RIPPLY3: variants seen among roughly 807,000 people sequenced by gnomAD.
RIPPLY3 encodes ripply transcriptional repressor 3, also known as protein ripply3.
In RIPPLY3, 8 loss-of-function variants were observed where a neutral mutation model predicts 11.9. That is an observed-to-expected ratio of 0.67 (90% CI 0.40 to 1.21). The LOEUF (loss-of-function observed/expected upper bound fraction) is 1.21. Among genes scored for constraint, RIPPLY3 ranks in the 50% most tolerant of loss-of-function variants. The pLI is 0.01. For missense variants in RIPPLY3, 271 were observed against 246.0 expected, an observed-to-expected ratio of 1.10 and a Z score of -0.68; for synonymous variants, 102 against 99.0, an observed-to-expected ratio of 1.03 and a Z score of -0.18.
intron 2 of RIPPLY3, among the ~76,000 whole-genome samples, chr21:37,011,111 C>T (rs1183083819): frequency 1.3e-5 from 2 of 151,976 alleles, no homozygotes; most frequent in Non-Finnish European, 2.9e-5. Context: ...TCAAGCGATT[C>T]GCCTGCCTCA....
intron 1 of RIPPLY3, among the ~76,000 whole-genome samples, chr21:37,007,400 C>CTTTTT (rs895853940): frequency 1.4e-4 from 12 of 86,272 alleles, no homozygotes; most frequent in Non-Finnish European, 1.5e-4. Flanking sequence ...AAGATTCCCT[C>CTTTTT]TTTTTTTTTT....
chr21:37,018,281 A>C lies in RIPPLY3; in HGVS notation c.*74A>C. On this transcript the variant is annotated 3_prime_UTR_variant, in exon 4 of 4. Transcript: ENST00000329553. ...CTCTTGGGGACACCCGAGCCAGGAC[A>C]CTACGCATCCCTGCTGAGTGTGCAG... is the stretch of plus-strand genomic sequence containing the variant. 1 of 1,275,952 alleles carries C rather than the reference A, an allele frequency of 7.8e-7. No individual in the cohort carries two copies. The highest frequency in any genetic ancestry group is 1.1e-6 in the Non-Finnish European group (1 of 884,806). 79.0% of individuals were successfully genotyped at this position (1,275,952 alleles called of 1,614,324 possible).
upstream of RIPPLY3, chr21:37,006,594 G>A (rs1601093228): frequency 2.7e-6 from 1 of 371,674 alleles, no homozygotes; most frequent in East Asian, 4.0e-5. The surrounding 1 kb of genome is among the most constrained non-coding windows in gnomAD (Gnocchi z 5.2). Context: ...CGTACCCTGC[G>A]GCCCCCTCCG....
Position 37,006,721 on chromosome 21 carries a change from G to A in RIPPLY3, c.-52G>A, listed in dbSNP as rs953229448. On this transcript the variant is annotated 5_prime_UTR_variant, in exon 1 of 4. Transcript: ENST00000329553. This position sits in a 1 kb window ranked among gnomAD's most constrained non-coding sequence, Gnocchi z 5.2. ...GAGCGCGTTAGCCCGAGTGGATCTA[G>A]GCGCGCTCGTAGGCCGGCGCCGCAG... is the stretch of plus-strand genomic sequence containing the variant. 5 of 1,146,188 alleles carry A rather than the reference G, an allele frequency of 4.4e-6. No individual in the cohort carries two copies. In the Admixed American group the frequency reaches 1.7e-4, roughly 40 times the overall value. The allele number at this position is 1,146,188 out of a possible 1,614,324, so 71.0% of individuals were successfully genotyped here. A position where few individuals can be genotyped will look rare whatever the true frequency, so the allele number is the denominator to read the frequency against.
chr21:37,006,585 G>T, upstream of RIPPLY3: 1 of 367,960 alleles, frequency 2.7e-6, no homozygotes, highest in Non-Finnish European at 4.8e-6. The surrounding 1 kb of genome is among the most constrained non-coding windows in gnomAD (Gnocchi z 5.2). Context: ...CTTTTCCTTC[G>T]TACCCTGCGG....
At chr21:37,013,666 AG>A (rs1455576922) in intron 3 of RIPPLY3, 48 bp downstream of exon 3, 2 of 1,390,130 alleles carry the variant, frequency 1.4e-6, no homozygotes, top group African/African-American at 2.8e-5. Context: ...CTTTTAATAT[AG>A]GCATTAATAT....
Position 37,006,730 on chromosome 21 carries a change from G to A in RIPPLY3, c.-43G>A. ...AGCCCGAGTGGATCTAGGCGCGCTC[G>A]TAGGCCGGCGCCGCAGCAAGGGGCG... On this transcript the variant is annotated 5_prime_UTR_variant, in exon 1 of 4. Coordinates refer to ENST00000329553, the MANE Select transcript of RIPPLY3 (RefSeq NM_018962.3). The surrounding 1 kb of genome is among the most constrained non-coding windows in gnomAD (Gnocchi z 5.2). The A allele has an allele frequency of 8.5e-7, 1 of 1,182,812 alleles. No homozygotes were observed. The highest frequency in any genetic ancestry group is 4.0e-5 in the South Asian group (1 of 24,840). The allele number at this position is 1,182,812 out of a possible 1,614,324, so 73.3% of individuals were successfully genotyped here. A position where few individuals can be genotyped will look rare whatever the true frequency, so the allele number is the denominator to read the frequency against.
At chr21:37,010,628 A>C (rs1477508035) in intron 2 of RIPPLY3, among the ~76,000 whole-genome samples, 1 of 152,134 alleles carries the variant, frequency 6.6e-6, no homozygotes, top group Non-Finnish European at 1.5e-5. Flanking sequence ...CCCTACCTGC[A>C]CCTTTCTTGA....
chr21:37,006,920 C>CTCAGTTCTCCGGTTCCAACGCACA lies in RIPPLY3; in HGVS notation c.104+44_104+45insTCAGTTCTCCGGTTCCAACGCACA. ...CCCGGTGGACGCGCTGAGAGGCGTG[C>CTCAGTTCTCCGGTTCCAACGCACA]GCGGTGGCGGTGCGGGGAGCGCAGC... On this transcript the variant is annotated intron_variant, in intron 1 of 3. Coordinates refer to ENST00000329553, the MANE Select transcript of RIPPLY3 (RefSeq NM_018962.3). The surrounding 1 kb of genome is among the most constrained non-coding windows in gnomAD (Gnocchi z 5.2). The CTCAGTTCTCCGGTTCCAACGCACA allele has an allele frequency of 9.1e-7, 1 of 1,102,230 alleles. No individual in the cohort carries two copies. Among genetic ancestry groups the CTCAGTTCTCCGGTTCCAACGCACA allele is most frequent in the South Asian group, 4.5e-5 (1 of 22,058 alleles). The allele number at this position is 1,102,230 out of a possible 1,614,324, so 68.3% of individuals were successfully genotyped here.
intron 2 of RIPPLY3, among the ~76,000 whole-genome samples, chr21:37,009,898 C>T (rs1168941666): frequency 2.2e-5 from 3 of 137,096 alleles, no homozygotes; most frequent in African/African-American, 8.1e-5. Context: ...ATCCTCACCC[C>T]TAGCCCGGAG....
rs116658382 is a variant in RIPPLY3 at position 37,018,545 on chromosome 21, G to A, written c.*338G>A. 10 of 263,370 alleles carry A rather than the reference G, an allele frequency of 3.8e-5. No individual in the cohort carries two copies. The highest frequency in any genetic ancestry group is 1.8e-4 in the African/African-American group (8 of 45,148). The allele number at this position is 263,370 out of a possible 1,614,324, so 16.3% of individuals were successfully genotyped here. The stretch of plus-strand genomic sequence containing the variant: ...GGTGATGAATTCTTCCTAGATAGTC[G>A]CCCACTCCACCTCCTACTTAACCTG... On this transcript the variant is annotated 3_prime_UTR_variant, in exon 4 of 4. Coordinates refer to ENST00000329553, the MANE Select transcript of RIPPLY3 (RefSeq NM_018962.3).
chr21:37,015,638 C>T (rs2069570233), intron 3 of RIPPLY3, among the ~76,000 whole-genome samples: 1 of 152,170 alleles, frequency 6.6e-6, no homozygotes, highest in Admixed American at 6.5e-5. Flanking sequence ...CATCACCGGC[C>T]TCAATAGTTA....
intron 3 of RIPPLY3, among the ~76,000 whole-genome samples, chr21:37,014,140 AC>A (rs2069554179): frequency 6.6e-6 from 1 of 151,808 alleles, no homozygotes; most frequent in South Asian, 2.1e-4. Context: ...ACATGGTGAA[AC>A]CCCCGTCTCT....
At chr21:37,008,773 A>C (rs1403813707) in intron 2 of RIPPLY3, among the ~76,000 whole-genome samples, 1 of 151,780 alleles carries the variant, frequency 6.6e-6, no homozygotes, top group Admixed American at 6.6e-5. Context: ...AAAAAAAAAA[A>C]AAAAAAACCG....
chr21:37,018,113 G>A lies in RIPPLY3; in HGVS notation c.479G>A (p.Gly160Glu). 1 of 1,614,068 alleles carries A rather than the reference G, an allele frequency of 6.2e-7. No individual in the cohort carries two copies. The highest frequency in any genetic ancestry group is 1.1e-5 in the South Asian group (1 of 91,070). ...GGCAGAGACCAGGGCATCAACCAAGGGCAGCGATCCTCAGGAGGGGGTGAC... is the reference window on the plus strand; with the variant it reads ...GGCAGAGACCAGGGCATCAACCAAGAGCAGCGATCCTCAGGAGGGGGTGAC... ...GKGRDQGINQ[G>E]QRSSGGGDHW... Residue 160 changes from glycine to glutamate, a missense_variant, in exon 4 of 4, where the codon GGG becomes GAG. Gly to Glu is a moderately conservative substitution (Grantham distance 98). Transcript: ENST00000329553.
At chr21:37,016,038 A>T (rs1230934163) in intron 3 of RIPPLY3, among the ~76,000 whole-genome samples, 1 of 152,146 alleles carries the variant, frequency 6.6e-6, no homozygotes, top group African/African-American at 2.4e-5. Context: ...AGCCAATCTC[A>T]GACATGCTAG....
upstream of RIPPLY3, chr21:37,006,635 C>T (rs1180477025): frequency 6.7e-6 from 3 of 446,030 alleles, no homozygotes; most frequent in East Asian, 1.2e-4. This position sits in a 1 kb window ranked among gnomAD's most constrained non-coding sequence, Gnocchi z 5.2. Flanking sequence ...GGGTCCTGCC[C>T]CCTCCCAGCG....
upstream of RIPPLY3, chr21:37,006,560 C>T (rs1260051062): frequency 1.7e-5 from 6 of 360,274 alleles, no homozygotes; most frequent in East Asian, 2.0e-4. This position sits in a 1 kb window ranked among gnomAD's most constrained non-coding sequence, Gnocchi z 5.2. Context: ...GTCCCCTCCG[C>T]TCCTCCGACC....
intron 3 of RIPPLY3, among the ~76,000 whole-genome samples, chr21:37,016,697 G>A (rs1205669146): frequency 1.3e-5 from 2 of 152,174 alleles, no homozygotes; most frequent in East Asian, 3.8e-4. Context: ...GCTGGATGTG[G>A]TGGCATGCAC....
Sources: gnomAD v4.1 joint callset for allele counts (sites outside exome capture counted in the v4.1 genomes callset) on GRCh38, gnomAD v4.1.1 for gene constraint, Gnocchi (gnomAD v3.1) non-coding constraint, MANE v1.5 for transcripts, NCBI Gene and HGNC (gene_info 2026-07-23, HGNC 2026-07-21) for gene names.